FOXP1: variants seen among roughly 807,000 people sequenced by gnomAD.
FOXP1 encodes the protein forkhead box P1, also known as forkhead box protein P1.
Under a neutral mutation model 98.2 loss-of-function variants are expected in FOXP1, and 15 were observed. The observed-to-expected ratio is 0.15, with a 90% CI of 0.10 to 0.24. FOXP1 has a LOEUF of 0.24. Among genes scored for constraint, FOXP1 ranks in the 10% least tolerant of loss-of-function variants. The probability of loss-of-function intolerance (pLI) is 1.00; values close to 1 mark genes in which losing one functional copy is unlikely to be tolerated. For synonymous variants in FOXP1, 371 were observed against 314.5 expected (o/e 1.18, Z -1.90); for missense variants, 633 against 848.5 (o/e 0.75, Z 3.15).
chr3:71,407,924 G>A (rs922049791), intron 3 of FOXP1, among the ~76,000 whole-genome samples: 12 of 152,318 alleles, frequency 7.9e-5, no homozygotes, highest in African/African-American at 2.9e-4. Context: ...CCAGCAGCCT[G>A]TGTACGTCCC....
chr3:71,236,364 A>G (rs763668861), intron 5 of FOXP1, among the ~76,000 whole-genome samples: 2 of 152,164 alleles, frequency 1.3e-5, no homozygotes, highest in Non-Finnish European at 2.9e-5. Flanking sequence ...GCTATGGGCC[A>G]AGTTCTCTGT....
At chr3:71,128,379 G>A (rs2059362395) in intron 6 of FOXP1, among the ~76,000 whole-genome samples, 1 of 151,614 alleles carries the variant, frequency 6.6e-6, no homozygotes, top group Non-Finnish European at 1.5e-5. Flanking sequence ...GGCCTCTGGA[G>A]GAATCAATTT....
intron 5 of FOXP1, among the ~76,000 whole-genome samples, chr3:71,200,025 T>C (rs2063563454): frequency 7.7e-6 from 1 of 130,406 alleles, no homozygotes; most frequent in Non-Finnish European, 1.5e-5. Flanking sequence ...GAGGTTGCAG[T>C]GAGCTGAGAT....
At chr3:71,439,555 T>C (rs567971810) in intron 3 of FOXP1, among the ~76,000 whole-genome samples, 1 of 152,288 alleles carries the variant, frequency 6.6e-6, no homozygotes, top group Admixed American at 6.5e-5. Flanking sequence ...GCACTATTAT[T>C]CACAATACTT....
chr3:71,348,790 G>A (rs1279569861), intron 4 of FOXP1, among the ~76,000 whole-genome samples: 1 of 152,064 alleles, frequency 6.6e-6, no homozygotes, highest in East Asian at 1.9e-4. Flanking sequence ...GTGTTTGTCT[G>A]TTCACCTTCC....
At chr3:71,412,417 A>G (rs1199561159) in intron 3 of FOXP1, among the ~76,000 whole-genome samples, 1 of 152,168 alleles carries the variant, frequency 6.6e-6, no homozygotes, top group Non-Finnish European at 1.5e-5. Flanking sequence ...TGGGCCCCCA[A>G]CGCTGCTTCT....
chr3:71,580,601 G>C (rs1403771229), intron 2 of FOXP1, among the ~76,000 whole-genome samples: 1 of 151,722 alleles, frequency 6.6e-6, no homozygotes, highest in South Asian at 2.1e-4. Flanking sequence ...GAAAACACCT[G>C]AAGTCTTACT....
chr3:71,019,692 G>A (rs796559037), intron 11 of FOXP1, among the ~76,000 whole-genome samples: 22 of 152,224 alleles, frequency 1.4e-4, no homozygotes, highest in African/African-American at 5.1e-4. Flanking sequence ...TTAGTCAGGT[G>A]TGGTGGTGGG....
chr3:71,211,474 G>C (rs1253641701), intron 5 of FOXP1, among the ~76,000 whole-genome samples: 2 of 152,002 alleles, frequency 1.3e-5, no homozygotes, highest in Non-Finnish European at 2.9e-5. Context: ...CTAAAGTGCT[G>C]GAATTACAGG....
chr3:71,163,107 G>C (rs895471165), intron 6 of FOXP1, among the ~76,000 whole-genome samples: 3 of 152,210 alleles, frequency 2.0e-5, no homozygotes, highest in African/African-American at 7.2e-5. Context: ...CGGTAACTAG[G>C]ATTGGTTTCA....
intron 11 of FOXP1, among the ~76,000 whole-genome samples, chr3:71,021,457 G>A (rs1442860001): frequency 6.6e-6 from 1 of 152,106 alleles, no homozygotes; most frequent in African/African-American, 2.4e-5. Flanking sequence ...GAACATTTGG[G>A]CTATTTCCAC....
intron 5 of FOXP1, among the ~76,000 whole-genome samples, chr3:71,288,659 A>T (rs2072427799): frequency 6.6e-6 from 1 of 152,252 alleles, no homozygotes; most frequent in African/African-American, 2.4e-5. Context: ...CCATCAGATT[A>T]GAGAACGGGT....
intron 3 of FOXP1, among the ~76,000 whole-genome samples, chr3:71,374,336 G>A (rs959631075): frequency 1.3e-5 from 2 of 152,194 alleles, no homozygotes; most frequent in African/African-American, 4.8e-5. Context: ...GCTCATGCCT[G>A]TAATCCCAGC....
chr3:71,273,774 G>A (rs2070626317), intron 5 of FOXP1, among the ~76,000 whole-genome samples: 1 of 152,186 alleles, frequency 6.6e-6, no homozygotes, highest in Admixed American at 6.5e-5. Flanking sequence ...CATGCCAAAT[G>A]CATGGTGAAG....
At chr3:71,185,181 C>T (rs58302810) in intron 6 of FOXP1, among the ~76,000 whole-genome samples, 3 of 151,340 alleles carry the variant, frequency 2.0e-5, no homozygotes, top group African/African-American at 7.3e-5. Flanking sequence ...TGACAGACCA[C>T]GACTCCGTCT....
intron 5 of FOXP1, among the ~76,000 whole-genome samples, chr3:71,235,220 T>G (rs1033420060): frequency 1.3e-5 from 2 of 152,210 alleles, no homozygotes; most frequent in African/African-American, 4.8e-5. Context: ...AACTTTTTGG[T>G]GTATAACTCA....
At chr3:71,401,172 TTA>T (rs2081937261) in intron 3 of FOXP1, among the ~76,000 whole-genome samples, 1 of 152,220 alleles carries the variant, frequency 6.6e-6, no homozygotes, top group South Asian at 2.1e-4. Flanking sequence ...TACATCAACA[TTA>T]TCTTTATTTA....
At chr3:70,968,466 A>C (rs979463614) in intron 19 of FOXP1, 2 of 149,794 alleles carry the variant, frequency 1.3e-5, no homozygotes, top group Admixed American at 6.8e-5. Flanking sequence ...ATGTGGTTTC[A>C]TATCAAGCTG....
chr3:71,453,576 C>T (rs2087160376), intron 3 of FOXP1, among the ~76,000 whole-genome samples: 1 of 152,156 alleles, frequency 6.6e-6, no homozygotes, highest in South Asian at 2.1e-4. Context: ...TGAAGTTTAA[C>T]TCCTACTTCT....
Sources: gnomAD v4.1 joint callset for allele counts (sites outside exome capture counted in the v4.1 genomes callset) on GRCh38, gnomAD v4.1.1 for gene constraint, MANE v1.5 for transcripts, NCBI Gene and HGNC (gene_info 2026-07-23, HGNC 2026-07-21) for gene names.